RAB3IP: variants seen among roughly 807,000 people sequenced by gnomAD.
The protein encoded by RAB3IP is RAB3A interacting protein.
In RAB3IP, 36 loss-of-function variants were observed where a neutral mutation model predicts 59.1. The ratio of observed to expected loss-of-function variants is 0.61; its 90% confidence interval spans 0.47 to 0.80. The LOEUF (loss-of-function observed/expected upper bound fraction) is 0.80. RAB3IP is among the 30% of genes least tolerant of loss of function. The pLI, the probability that RAB3IP is intolerant of heterozygous loss-of-function variation, is 0.00. For synonymous variants in RAB3IP, 207 were observed against 191.2 expected (o/e 1.08, Z -0.68); for missense variants, 511 against 536.0 (o/e 0.95, Z 0.46).
chr12:69,806,605 T>C (rs1210967726), intron 8 of RAB3IP, among the ~76,000 whole-genome samples: 3 of 141,034 alleles, frequency 2.1e-5, no homozygotes, highest in Admixed American at 7.3e-5. Flanking sequence ...TATTTATTGA[T>C]CATTCTTGGG....
At chr12:69,756,775 C>T (rs1870306172) in intron 3 of RAB3IP, 112 bp downstream of exon 3, 2 of 856,140 alleles carry the variant, frequency 2.3e-6, no homozygotes, top group Non-Finnish European at 3.5e-6. Flanking sequence ...ATTTATCCGT[C>T]ACATATGCCC....
chr12:69,817,847 C>T lies in RAB3IP; in HGVS notation c.*2401C>T, dbSNP rs1163703250. 6.6e-6 allele frequency: 1 copy of T among 151,882 alleles called. No homozygotes were observed. Among genetic ancestry groups the T allele is most frequent in the Non-Finnish European group, 1.5e-5 (1 of 67,992 alleles). The allele number at this position is 151,882 out of a possible 1,614,324, so 9.4% of individuals were successfully genotyped here. On this transcript the variant is annotated 3_prime_UTR_variant, in exon 11 of 11. Transcript: ENST00000247833. ...CTGCAACATTTATAACTAGTAATAG[C>T]TTAGTATCAAGAATGTATGCAGAAA...
At chr12:69,812,146 G>A (rs1020417923) in intron 8 of RAB3IP, 3 of 152,288 alleles carry the variant, frequency 2.0e-5, no homozygotes, top group African/African-American at 4.8e-5. Context: ...CCCTCAAGAG[G>A]TTGATAGCCT....
intron 3 of RAB3IP, among the ~76,000 whole-genome samples, chr12:69,773,399 C>CTTTTTTTTTTT (rs71437123): frequency 8.6e-3 from 411 of 47,950 alleles, no homozygotes; most frequent in Non-Finnish European, 9.2e-3. Context: ...ATTTGTCTTT[C>CTTTTTTTTTTT]TTTTTTTTTT....
At chr12:69,788,096 T>A (rs1054448856) in intron 4 of RAB3IP, among the ~76,000 whole-genome samples, 1 of 152,138 alleles carries the variant, frequency 6.6e-6, no homozygotes, top group Non-Finnish European at 1.5e-5. Context: ...TTTAACAGTT[T>A]ATTATCCAGA....
intron 3 of RAB3IP, among the ~76,000 whole-genome samples, chr12:69,783,626 G>A (rs971405480): frequency 6.6e-6 from 1 of 152,198 alleles, no homozygotes; most frequent in Non-Finnish European, 1.5e-5. Flanking sequence ...CTGCAAGTTG[G>A]AGCCTGTGAA....
rs192625371 is a variant in RAB3IP, at chr12:69,804,188, A to G, written c.1130+2467A>G. Among the ~76,000 whole-genome samples the G allele has an allele frequency of 4.5e-3, 687 of 152,296 alleles. 5 individuals are homozygous for G. The highest frequency in any genetic ancestry group is 6.5e-3 in the Non-Finnish European group (443 of 68,030). On this transcript the variant is annotated intron_variant, in intron 8 of 10. Transcript: ENST00000247833. ...GTTTCCTGACTGTTTAATGATCGCC[A>G]TTCTAACTGGTGTGAGATGGTATCT...
intron 3 of RAB3IP, among the ~76,000 whole-genome samples, chr12:69,765,939 T>G (rs1210030151): frequency 6.6e-6 from 1 of 152,238 alleles, no homozygotes; most frequent in Non-Finnish European, 1.5e-5. Flanking sequence ...TGGTTAGAAT[T>G]TCTTTTCTTT....
intron 8 of RAB3IP, among the ~76,000 whole-genome samples, chr12:69,807,259 C>G (rs1879508067): frequency 6.8e-6 from 1 of 147,600 alleles, no homozygotes. Context: ...AGAGGCGCTC[C>G]TCACCTCCCA....
chr12:69,787,281 A>G (rs1875839226), intron 4 of RAB3IP, among the ~76,000 whole-genome samples: 1 of 152,146 alleles, frequency 6.6e-6, no homozygotes, highest in Non-Finnish European at 1.5e-5. Context: ...AACGCCTCCA[A>G]TTTTGAGATA....
At chr12:69,754,364 CACACACTG>C in intron 1 of RAB3IP, among the ~76,000 whole-genome samples, 1 of 151,814 alleles carries the variant, frequency 6.6e-6, no homozygotes, top group Admixed American at 6.6e-5. Context: ...CACACACACA[CACACACTG>C]TGTATATGTA....
chr12:69,786,496 A>G (rs1201336950), intron 4 of RAB3IP, among the ~76,000 whole-genome samples: 3 of 152,302 alleles, frequency 2.0e-5, no homozygotes, highest in East Asian at 1.9e-4. Flanking sequence ...AATAGAAGCT[A>G]TGTGACTTGT....
At chr12:69,773,046 TG>T (rs1051713264) in intron 3 of RAB3IP, among the ~76,000 whole-genome samples, 96 of 152,306 alleles carry the variant, frequency 6.3e-4, no homozygotes, top group African/African-American at 2.2e-3. Context: ...TTCTGAAAGA[TG>T]GCTTTGCTGG....
At chr12:69,761,600 T>G (rs1445650359) in intron 3 of RAB3IP, among the ~76,000 whole-genome samples, 2 of 152,332 alleles carry the variant, frequency 1.3e-5, no homozygotes, top group East Asian at 3.9e-4. Context: ...CACACATGCT[T>G]CAGTACTTCT....
At chr12:69,808,514 C>T (rs945521319) in intron 8 of RAB3IP, among the ~76,000 whole-genome samples, 4 of 152,270 alleles carry the variant, frequency 2.6e-5, no homozygotes, top group East Asian at 3.9e-4. Context: ...GTTAAAGTCT[C>T]CCATTATTAT....
intron 3 of RAB3IP, among the ~76,000 whole-genome samples, chr12:69,779,711 CTT>C (rs1874328950): frequency 6.8e-6 from 1 of 147,620 alleles, no homozygotes; most frequent in Middle Eastern, 3.2e-3. Context: ...CAGCGTCTCT[CTT>C]AAATTTTTCT....
upstream of RAB3IP, chr12:69,738,611 G>A (rs1282401830): frequency 1.8e-5 from 2 of 110,672 alleles, no homozygotes; most frequent in African/African-American, 2.8e-5. Context: ...AACAGAGCGC[G>A]GGCCCGACGA....
rs1181771301 is a variant in RAB3IP at position 69,818,876 on chromosome 12, G to A, written c.*3430G>A. The stretch of plus-strand genomic sequence containing the variant: ...TCACTGGTAATGTTTTAGTCCCTGG[G>A]TTAGGTGGTGGGTTTTGGGGTGGTT... On this transcript the variant is annotated 3_prime_UTR_variant, in exon 11 of 11. Transcript: ENST00000247833. The A allele has an allele frequency of 2.0e-5, 3 of 152,184 alleles. No homozygotes were observed. Among genetic ancestry groups the A allele is most frequent in the Non-Finnish European group, 4.4e-5 (3 of 68,054 alleles). 9.4% of individuals were successfully genotyped at this position (152,184 alleles called of 1,614,324 possible).
intron 1 of RAB3IP, among the ~76,000 whole-genome samples, chr12:69,745,198 G>C (rs1451135955): frequency 1.3e-5 from 2 of 152,150 alleles, no homozygotes; most frequent in Non-Finnish European, 2.9e-5. Flanking sequence ...AATTTCACCT[G>C]TAGGTATTTC....
Sources: gnomAD v4.1 joint callset for allele counts (sites outside exome capture counted in the v4.1 genomes callset) on GRCh38, gnomAD v4.1.1 for gene constraint, MANE v1.5 for transcripts, NCBI Gene and HGNC (gene_info 2026-07-23, HGNC 2026-07-21) for gene names.